IFT81: variants seen among roughly 807,000 people sequenced by gnomAD.
IFT81 encodes the protein intraflagellar transport protein 81 homolog.
IFT81 carries 72 observed loss-of-function variants against 102.6 expected under a neutral mutation model. The ratio of observed to expected loss-of-function variants is 0.70; its 90% CI spans 0.58 to 0.85. IFT81 has a LOEUF of 0.85. Among genes scored for constraint, IFT81 ranks in the 40% least tolerant of loss-of-function variants. The pLI is 0.00. For missense variants in IFT81, 723 were observed against 787.3 expected, an observed-to-expected ratio of 0.92 and a Z score of 0.98; for synonymous variants, 237 against 242.7, an observed-to-expected ratio of 0.98 and a Z score of 0.22.
In IFT81 at chr12:110,127,442, A is replaced by G. The variant is rs1248996456; in HGVS notation, c.62A>G (p.Tyr21Cys). 1.9e-6 allele frequency: 3 copies of G among 1,608,804 alleles called. No individual in the cohort carries two copies. The highest frequency in any genetic ancestry group is 1.7e-5 in the Admixed American group (1 of 59,198). The change falls in exon 2 of 19, where the codon TAT becomes TGT. Residue 21 changes from tyrosine (Y) to cysteine (C), a missense_variant. By Grantham distance (194) the Tyr-to-Cys change is radical (BLOSUM62 -2). Transcript: ENST00000242591. ...SLNKEPFRKN[Y>C]NLITFDSLEP... ...AATAAGGAGCCCTTTAGGAAGAACT[A>G]TAATTTAATCACGTTTGATTCCTTG...
chr12:110,195,222 C>G (rs1427104065), intron 14 of IFT81, among the ~76,000 whole-genome samples: 1 of 152,126 alleles, frequency 6.6e-6, no homozygotes, highest in Admixed American at 6.6e-5. Flanking sequence ...TGACTTCTCT[C>G]CCTCATGTGT....
In IFT81 at chr12:110,218,064, A is replaced by G. The variant is rs982886307; in HGVS notation, c.1869A>G (p.Lys623=). 1.2e-6 allele frequency: 2 copies of G among 1,600,130 alleles called. No individual in the cohort carries two copies. Among genetic ancestry groups the G allele is most frequent in the South Asian group, 2.3e-5 (2 of 87,484 alleles). The change falls in exon 19 of 19, where the codon AAA becomes AAG. Residue 623 remains lysine, a synonymous_variant. Transcript: ENST00000242591. ...GATAGAAACTTCGGGAAAAACAAAAAGTTATACGAGAAAGTCATGGTCCAA... is the reference window on the plus strand; with the variant it reads ...GATAGAAACTTCGGGAAAAACAAAAGGTTATACGAGAAAGTCATGGTCCAA... The part of the protein sequence containing the change: ...NLGKKLREKQ[K]VIRESHGPNM...
intron 10 of IFT81, among the ~76,000 whole-genome samples, chr12:110,152,232 T>A (rs1895578809): frequency 6.6e-6 from 1 of 152,232 alleles, no homozygotes; most frequent in African/African-American, 2.4e-5. Flanking sequence ...CCCTCCATAC[T>A]GTTTTCTATA....
At chr12:110,201,825 A>C (rs1369270768) in intron 14 of IFT81, among the ~76,000 whole-genome samples, 1 of 152,048 alleles carries the variant, frequency 6.6e-6, no homozygotes, top group African/African-American at 2.4e-5. Context: ...AATCAATATC[A>C]CTGTCTTCCA....
chr12:110,212,936 C>T (rs1175856601), intron 18 of IFT81, among the ~76,000 whole-genome samples: 1 of 152,112 alleles, frequency 6.6e-6, no homozygotes, highest in Non-Finnish European at 1.5e-5. Context: ...TCATTAAATT[C>T]GTGGCCAGCC....
At chr12:110,133,161 G>A (rs971987572) in intron 5 of IFT81, among the ~76,000 whole-genome samples, 3 of 151,560 alleles carry the variant, frequency 2.0e-5, no homozygotes, top group East Asian at 1.9e-4. Flanking sequence ...TTGTAGAGAC[G>A]GGATTTTGCC....
intron 14 of IFT81, among the ~76,000 whole-genome samples, chr12:110,201,211 T>C (rs1241834441): frequency 6.6e-6 from 1 of 152,002 alleles, no homozygotes; most frequent in Admixed American, 6.6e-5. Context: ...AAGACCATCC[T>C]GGCCAACATG....
In IFT81 at chr12:110,209,336, G is replaced by A. The variant is rs1869103440; in HGVS notation, c.1848+120G>A. 7.0e-6 allele frequency: 3 copies of A among 428,046 alleles called. No homozygotes were observed. In the East Asian group the frequency reaches 1.1e-4, roughly 15 times the overall value. The allele number at this position is 428,046 out of a possible 1,614,324, so 26.5% of individuals were successfully genotyped here. Reference sequence around the variant, plus strand: ...ATAGTACAGTTTTTGAGGGGAAATTGTTCATTCATTTTAAAGATGGAAGAC... The same window carrying A: ...ATAGTACAGTTTTTGAGGGGAAATTATTCATTCATTTTAAAGATGGAAGAC... On this transcript the variant is annotated intron_variant, in intron 18 of 18. Transcript: ENST00000242591.
intron 14 of IFT81, among the ~76,000 whole-genome samples, chr12:110,195,203 C>T (rs1386303188): frequency 6.6e-6 from 1 of 152,124 alleles, no homozygotes; most frequent in African/African-American, 2.4e-5. Context: ...CCCCTCCTCA[C>T]TCATCCCCTG....
At chr12:110,175,939 G>A (rs961701006) in intron 11 of IFT81, among the ~76,000 whole-genome samples, 2 of 151,952 alleles carry the variant, frequency 1.3e-5, no homozygotes, top group Non-Finnish European at 2.9e-5. Context: ...AAACTTGCTT[G>A]TTTGCTCAAT....
intron 14 of IFT81, among the ~76,000 whole-genome samples, chr12:110,200,602 A>T (rs1898215590): frequency 6.6e-6 from 1 of 152,010 alleles, no homozygotes; most frequent in Admixed American, 6.6e-5. Flanking sequence ...CACTTAGGCT[A>T]CTCTAAATTT....
chr12:110,214,845 TA>T, intron 18 of IFT81, among the ~76,000 whole-genome samples: 1 of 152,214 alleles, frequency 6.6e-6, no homozygotes, highest in Admixed American at 6.5e-5. Flanking sequence ...TGCCTTAATT[TA>T]AAATCGTGTG....
chr12:110,176,939 T>C (rs1897059574), intron 11 of IFT81, among the ~76,000 whole-genome samples: 1 of 152,252 alleles, frequency 6.6e-6, no homozygotes, highest in African/African-American at 2.4e-5. Flanking sequence ...GGATAGCAGA[T>C]GAACAGGGTT....
chr12:110,130,719 A>G (rs1894112238), intron 4 of IFT81, among the ~76,000 whole-genome samples: 1 of 152,022 alleles, frequency 6.6e-6, no homozygotes. Flanking sequence ...AATTAATGGT[A>G]ATAAAGACAT....
chr12:110,216,532 T>C (rs373853454), intron 18 of IFT81: 23 of 453,012 alleles, frequency 5.1e-5, no homozygotes, highest in African/African-American at 3.8e-4. Flanking sequence ...TTTTTTTTTT[T>C]CCAGAGACGG....
At chr12:110,205,370 C>T in intron 15 of IFT81, 73 bp from the exon 16 acceptor site, 1 of 1,472,458 alleles carries the variant, frequency 6.8e-7, no homozygotes, top group Non-Finnish European at 9.0e-7. Flanking sequence ...CTTTGTTGTA[C>T]ATCTAAAGTC....
intron 3 of IFT81, among the ~76,000 whole-genome samples, chr12:110,128,658 A>G (rs1566098939): frequency 6.6e-6 from 1 of 151,772 alleles, no homozygotes; most frequent in East Asian, 1.9e-4. Context: ...TCAGCTGGGC[A>G]TGGTGGTTGG....
At chr12:110,202,604 C>T (rs1005740217) in intron 14 of IFT81, among the ~76,000 whole-genome samples, 10 of 152,010 alleles carry the variant, frequency 6.6e-5, no homozygotes, top group African/African-American at 2.4e-4. Context: ...AGGCACGTGC[C>T]ACCATGCCCA....
intron 11 of IFT81, among the ~76,000 whole-genome samples, chr12:110,179,492 C>T (rs896531168): frequency 2.6e-5 from 4 of 151,450 alleles, no homozygotes; most frequent in Non-Finnish European, 4.4e-5. Context: ...GAGGCCAAGG[C>T]GGGTGAATCA....
Sources: gnomAD v4.1 joint callset for allele counts (sites outside exome capture counted in the v4.1 genomes callset) on GRCh38, gnomAD v4.1.1 for gene constraint, MANE v1.5 for transcripts, NCBI Gene and HGNC (gene_info 2026-07-23, HGNC 2026-07-21) for gene names.